DLG2: variants seen among roughly 807,000 people sequenced by gnomAD.
DLG2 encodes disks large homolog 2.
In DLG2, 45 loss-of-function variants were observed where a neutral mutation model predicts 132.5. That is an observed-to-expected ratio of 0.34 (90% confidence interval 0.27 to 0.44). The LOEUF (loss-of-function observed/expected upper bound fraction) is 0.44, where lower values mean the gene tolerates loss of function less well. Ranked by LOEUF, DLG2 falls within the 20% of genes least tolerant of loss-of-function variation. The pLI is 1.00. For synonymous variants in DLG2, 424 were observed against 419.6 expected, an observed-to-expected ratio of 1.01 and a Z score of -0.13; for missense variants, 1,045 against 1,196.9, an observed-to-expected ratio of 0.87 and a Z score of 1.87.
At chr11:84,493,122 T>G (rs1040347549) in intron 7 of DLG2, among the ~76,000 whole-genome samples, 2 of 151,410 alleles carry the variant, frequency 1.3e-5, no homozygotes, top group African/African-American at 4.9e-5. Flanking sequence ...GTCCATCAGC[T>G]TGGGGACATG....
intron 3 of DLG2, among the ~76,000 whole-genome samples, chr11:85,468,404 C>T (rs1464246930): frequency 3.3e-5 from 5 of 151,976 alleles, no homozygotes; most frequent in Middle Eastern, 3.4e-3. Context: ...TTGTGATGTT[C>T]GGGTGTCAAT....
intron 6 of DLG2, among the ~76,000 whole-genome samples, chr11:85,028,341 G>C (rs2060713446): frequency 6.6e-6 from 1 of 152,178 alleles, no homozygotes; most frequent in African/African-American, 2.4e-5. Context: ...AGTTCTCACT[G>C]TAAGCCACGG....
At chr11:84,338,508 G>A (rs953112621) in intron 7 of DLG2, among the ~76,000 whole-genome samples, 1 of 152,002 alleles carries the variant, frequency 6.6e-6, no homozygotes, top group Non-Finnish European at 1.5e-5. Context: ...ACAACTATGA[G>A]CCTCCGTTTC....
At chr11:83,544,147 A>G (rs1209349916) in intron 19 of DLG2, among the ~76,000 whole-genome samples, 3 of 152,282 alleles carry the variant, frequency 2.0e-5, no homozygotes, top group Non-Finnish European at 1.5e-5. Context: ...CCTGTGTGAC[A>G]CTACTGAGAG....
intron 6 of DLG2, among the ~76,000 whole-genome samples, chr11:84,635,538 A>AATT (rs1326723704): frequency 6.6e-6 from 1 of 152,132 alleles, no homozygotes; most frequent in Non-Finnish European, 1.5e-5. Context: ...ATACAAGTAT[A>AATT]ATTATTATTA....
chr11:84,027,069 C>T (rs1454509853), intron 11 of DLG2, among the ~76,000 whole-genome samples: 1 of 151,908 alleles, frequency 6.6e-6, no homozygotes, highest in Non-Finnish European at 1.5e-5. Flanking sequence ...AGGAGGTTCC[C>T]CAGCTACAGG....
intron 7 of DLG2, among the ~76,000 whole-genome samples, chr11:84,310,144 T>C (rs2098272091): frequency 6.6e-6 from 1 of 152,160 alleles, no homozygotes; most frequent in South Asian, 2.1e-4. Context: ...TCCCAATGCA[T>C]TAAGGAAATT....
rs534605694 is a variant in DLG2 at position 83,935,884 on chromosome 11, T to C, written c.1341-5401A>G. Among the ~76,000 whole-genome samples, 23 of 152,316 alleles carry C rather than the reference T, an allele frequency of 1.5e-4. 1 individual carries two copies. In the South Asian group the frequency reaches 4.6e-3, roughly 30 times the overall value. On this transcript the variant is annotated intron_variant, in intron 14 of 27. Transcript: ENST00000376104. ...TCTACCTTGTATGACCTTATGCTAT[T>C]TCTTAACATCCTCATCTGGAAAGTG...
chr11:83,582,433 A>G (rs895217387), intron 19 of DLG2, among the ~76,000 whole-genome samples: 5 of 152,214 alleles, frequency 3.3e-5, no homozygotes, highest in African/African-American at 9.7e-5. Context: ...GTCTGTGTAC[A>G]TTTACTGAAT....
intron 9 of DLG2, among the ~76,000 whole-genome samples, chr11:84,125,432 G>T (rs1232773497): frequency 6.6e-6 from 1 of 152,144 alleles, no homozygotes; most frequent in African/African-American, 2.4e-5. Flanking sequence ...TTATTATGCT[G>T]AATAAAGTGA....
At chr11:84,193,126 G>C (rs2096446503) in intron 8 of DLG2, among the ~76,000 whole-genome samples, 1 of 152,188 alleles carries the variant, frequency 6.6e-6, no homozygotes, top group African/African-American at 2.4e-5. Flanking sequence ...GTGGTACTGG[G>C]ATATCTATTT....
chr11:85,520,920 A>C (rs901934974), intron 3 of DLG2, among the ~76,000 whole-genome samples: 1 of 152,226 alleles, frequency 6.6e-6, no homozygotes, highest in Non-Finnish European at 1.5e-5. Flanking sequence ...ACTAAAAAAA[A>C]ACATCAGAGA....
intron 14 of DLG2, among the ~76,000 whole-genome samples, chr11:83,962,271 C>T (rs1429159332): frequency 6.6e-6 from 1 of 151,994 alleles, no homozygotes; most frequent in Non-Finnish European, 1.5e-5. Flanking sequence ...AAAATAATGT[C>T]AGGCCCCACG....
At chr11:84,125,806 T>C (rs1299753691) in intron 9 of DLG2, among the ~76,000 whole-genome samples, 1 of 152,234 alleles carries the variant, frequency 6.6e-6, no homozygotes, top group Non-Finnish European at 1.5e-5. Context: ...CATTTAAAAA[T>C]AGCCCTGATA....
chr11:84,300,640 T>C (rs1186478850), intron 7 of DLG2, among the ~76,000 whole-genome samples: 2 of 152,226 alleles, frequency 1.3e-5, no homozygotes, highest in East Asian at 3.8e-4. Context: ...CAACTGGGCA[T>C]AGTAATCTAT....
intron 7 of DLG2, among the ~76,000 whole-genome samples, chr11:84,334,357 G>A (rs117000329): frequency 1.5e-3 from 222 of 152,284 alleles, no homozygotes; most frequent in South Asian, 1.9e-3. Flanking sequence ...GGACACTCCT[G>A]TGCATTTTGC....
intron 17 of DLG2, among the ~76,000 whole-genome samples, chr11:83,787,915 T>A (rs1365468839): frequency 6.6e-6 from 1 of 152,222 alleles, no homozygotes; most frequent in Non-Finnish European, 1.5e-5. Flanking sequence ...CAGAGTTCTC[T>A]GTCTGCCCCA....
At chr11:83,829,967 A>G (rs923561811) in intron 17 of DLG2, among the ~76,000 whole-genome samples, 1 of 151,942 alleles carries the variant, frequency 6.6e-6, no homozygotes, top group African/African-American at 2.4e-5. Flanking sequence ...TCATTGTTCA[A>G]TTCCCACCTA....
At chr11:83,912,329 A>G (rs377212796) in intron 15 of DLG2, among the ~76,000 whole-genome samples, 36 of 151,966 alleles carry the variant, frequency 2.4e-4, no homozygotes, top group Admixed American at 4.6e-4. Context: ...TGGGTCCCCA[A>G]TGTGTCTGGA....
Sources: gnomAD v4.1 joint callset for allele counts (sites outside exome capture counted in the v4.1 genomes callset) on GRCh38, gnomAD v4.1.1 for gene constraint, MANE v1.5 for transcripts, NCBI Gene and HGNC (gene_info 2026-07-23, HGNC 2026-07-21) for gene names.